Variants in LCN10 observed in about 807,000 individuals in gnomAD.
LCN10 encodes the protein lipocalin 10, also known as epididymal-specific lipocalin-10.
Under a neutral mutation model 25.1 loss-of-function variants are expected in LCN10, and 18 were observed. The ratio of observed to expected loss-of-function variants is 0.72; its 90% confidence interval spans 0.50 to 1.06. The LOEUF (loss-of-function observed/expected upper bound fraction) is 1.06. Ranked by LOEUF, LCN10 falls within the 50% of genes least tolerant of loss-of-function variation. LCN10 has a pLI of 0.00. For missense variants in LCN10, 257 were observed against 258.9 expected (o/e 0.99, Z 0.05); for synonymous variants, 130 against 116.7 (o/e 1.11, Z -0.73).
In LCN10 at chr9:136,738,452, G is replaced by A. The variant is rs1269508659; in HGVS notation, c.*1073C>T. On this transcript the variant is annotated 3_prime_UTR_variant, in exon 6 of 6. Transcript: ENST00000497771. ...CAGAACCAATCTCTGATCTCTTCTCGGGCCAGAAGGAGGGGCTGACCCCTT... is the reference window on the plus strand; with the variant it reads ...CAGAACCAATCTCTGATCTCTTCTCAGGCCAGAAGGAGGGGCTGACCCCTT... 3.3e-5 allele frequency: 5 copies of A among 152,172 alleles called. No individual in the cohort carries two copies. Among genetic ancestry groups the A allele is most frequent in the South Asian group, 4.1e-4 (2 of 4,830 alleles). 9.4% of individuals were successfully genotyped at this position (152,172 alleles called of 1,614,324 possible).
At position 136,739,379 on chromosome 9, in the gene LCN10, T is replaced by C; in HGVS notation, c.*146A>G. On this transcript the variant is annotated 3_prime_UTR_variant, in exon 6 of 6. Coordinates refer to ENST00000497771, the MANE Select transcript of LCN10 (RefSeq NM_001001712.3). The surrounding 1 kb of genome is among the most constrained non-coding windows in gnomAD (Gnocchi z 6.1). ...CTTTCTGTGATCATAAAGGATCCCTTGAGCCACTTGATTTTCACACTGTCA... is the reference window on the plus strand; with the variant it reads ...CTTTCTGTGATCATAAAGGATCCCTCGAGCCACTTGATTTTCACACTGTCA... 2.5e-6 allele frequency: 2 copies of C among 804,782 alleles called. No homozygotes were observed. Among genetic ancestry groups the C allele is most frequent in the Non-Finnish European group, 4.1e-6 (2 of 488,584 alleles). 49.9% of individuals were successfully genotyped at this position (804,782 alleles called of 1,614,324 possible).
In LCN10 at chr9:136,740,625, C is replaced by G; in HGVS notation, c.475+211G>C. ...CTGGATGGCCCACCTTTCTCTGCAG[C>G]CTCTTCCTGACGTCCCCTATCCTTG... On this transcript the variant is annotated intron_variant, in intron 4 of 5. Coordinates refer to ENST00000497771, the MANE Select transcript of LCN10 (RefSeq NM_001001712.3). This position sits in a 1 kb window ranked among gnomAD's most constrained non-coding sequence, Gnocchi z 5.3. 1.8e-6 allele frequency: 1 copy of G among 564,888 alleles called. No individual in the cohort carries two copies. The highest frequency in any genetic ancestry group is 3.1e-5 in the Admixed American group (1 of 32,432). The allele number at this position is 564,888 out of a possible 1,614,324, so 35.0% of individuals were successfully genotyped here. A position where few individuals can be genotyped will look rare whatever the true frequency, so the allele number is the denominator to read the frequency against.
At chr9:136,742,509 C>T (rs1588298485) in intron 1 of LCN10, 4 of 530,554 alleles carry the variant, frequency 7.5e-6, no homozygotes, top group East Asian at 6.3e-5. Context: ...GCACTCTGGG[C>T]GTCTCCCGAC....
In LCN10 at chr9:136,741,560, A is replaced by G. The variant is rs972191195; in HGVS notation, c.258-199T>C. On this transcript the variant is annotated intron_variant, in intron 2 of 5. Transcript: ENST00000497771. ...GGCTCTGTGGTTTGAGGATTTTCCA[A>G]TTCGGACTGGGGCCTGTCCCACGGC... The G allele has an allele frequency of 3.0e-5, 18 of 606,742 alleles. 1 individual carries two copies. In the Admixed American group the frequency reaches 3.5e-4, roughly 12 times the overall value. 37.6% of individuals were successfully genotyped at this position (606,742 alleles called of 1,614,324 possible). A position where few individuals can be genotyped will look rare whatever the true frequency, so the allele number is the denominator to read the frequency against.
Position 136,739,807 on chromosome 9 carries a change from G to A in LCN10, c.574+143C>T. 2 of 827,964 alleles carry A rather than the reference G, an allele frequency of 2.4e-6. No homozygotes were observed. The highest frequency in any genetic ancestry group is 4.0e-6 in the Non-Finnish European group (2 of 497,504). 51.3% of individuals were successfully genotyped at this position (827,964 alleles called of 1,614,324 possible). ...AAGCCCCGATTCTCAGGGGCGGCAG[G>A]AGGTGGGAGGCACGTTTGGGCGGAT... On this transcript the variant is annotated intron_variant, in intron 5 of 5. Coordinates refer to ENST00000497771, the MANE Select transcript of LCN10 (RefSeq NM_001001712.3). The surrounding 1 kb of genome is among the most constrained non-coding windows in gnomAD (Gnocchi z 6.1).
intron 2 of LCN10, 200 bp from the exon 3 acceptor site, chr9:136,741,561 T>C (rs951837449): frequency 1.8e-5 from 11 of 606,708 alleles, no homozygotes; most frequent in Non-Finnish European, 3.2e-5. Context: ...GATTTTCCAA[T>C]TCGGACTGGG....
In LCN10 at chr9:136,739,546, A is replaced by C. The variant is rs765681916; in HGVS notation, c.582T>G (p.Arg194=). 1.1e-5 allele frequency: 17 copies of C among 1,600,678 alleles called. No homozygotes were observed. Among genetic ancestry groups the C allele is most frequent in the Non-Finnish European group, 1.4e-5 (17 of 1,174,424 alleles). ...AAVILPKDAS[R]THTILP is the part of the protein sequence containing the mutation. ...GCTCTCATGGCAGGATGGTGTGTGT[A>C]CGGGACGCTGTGGGAGAGGAAAACA... is the stretch of plus-strand genomic sequence containing the variant. The change falls in exon 6 of 6, where the codon CGT becomes CGG. Residue 194 remains arginine (R), a synonymous_variant. Transcript: ENST00000497771. This position sits in a 1 kb window ranked among gnomAD's most constrained non-coding sequence, Gnocchi z 6.1.
intron 1 of LCN10, chr9:136,742,230 C>T (rs1473875151): frequency 4.9e-6 from 3 of 607,114 alleles, no homozygotes. Flanking sequence ...GGTCAGGGAC[C>T]CCAGGCAGCA....
intron 2 of LCN10, chr9:136,741,582 C>T (rs1056424082): frequency 2.1e-5 from 13 of 605,434 alleles, no homozygotes; most frequent in Admixed American, 5.9e-5. Flanking sequence ...GCCTGTCCCA[C>T]GGCACGAGAG....
chr9:136,742,695 C>G, intron 1 of LCN10, 92 bp downstream of exon 1: 1 of 1,474,210 alleles, frequency 6.8e-7, no homozygotes. Context: ...GCTGGTAGCC[C>G]TGCTCCTGGG....
intron 1 of LCN10, chr9:136,742,442 G>C: frequency 2.4e-6 from 1 of 424,082 alleles, no homozygotes; most frequent in South Asian, 3.5e-5. Context: ...GGCTCACTCA[G>C]CAGGTGCCCG....
intron 2 of LCN10, 183 bp from the exon 3 acceptor site, chr9:136,741,544 G>T (rs1299182772): frequency 1.6e-6 from 1 of 612,220 alleles, no homozygotes; most frequent in Non-Finnish European, 2.9e-6. Flanking sequence ...AGGCTCTGTG[G>T]TTTGAGGATT....
At chr9:136,742,304 C>T in intron 1 of LCN10, 1 of 478,156 alleles carries the variant, frequency 2.1e-6, no homozygotes, top group South Asian at 2.7e-5. Context: ...CGGCTCCTTC[C>T]CACATGGCCT....
At position 136,740,112 on chromosome 9, in the gene LCN10, G is replaced by A; in HGVS notation, c.476-64C>T. On this transcript the variant is annotated intron_variant, in intron 4 of 5. Transcript: ENST00000497771. The surrounding 1 kb of genome is among the most constrained non-coding windows in gnomAD (Gnocchi z 5.3). ...CTGGCCATTTTAGGGTCTGCACCCT[G>A]ACCCCCATCCCTACCCCAGGAGCTG... 1 of 1,082,514 alleles carries A rather than the reference G, an allele frequency of 9.2e-7. No individual in the cohort carries two copies. Among genetic ancestry groups the A allele is most frequent in the Non-Finnish European group, 1.4e-6 (1 of 719,248 alleles). The allele number at this position is 1,082,514 out of a possible 1,614,324, so 67.1% of individuals were successfully genotyped here.
In LCN10 at chr9:136,739,841, T is replaced by C. The variant is rs1246896722; in HGVS notation, c.574+109A>G. ...GGCACGTTTGGGCGGATCTTTCAAA[T>C]GGCACCTTTCAAATGGATCCTTTCA... On this transcript the variant is annotated intron_variant, in intron 5 of 5. Coordinates refer to ENST00000497771, the MANE Select transcript of LCN10 (RefSeq NM_001001712.3). This position sits in a 1 kb window ranked among gnomAD's most constrained non-coding sequence, Gnocchi z 6.1. The C allele has an allele frequency of 1.2e-5, 12 of 988,538 alleles. No homozygotes were observed. The highest frequency in any genetic ancestry group is 2.0e-4 in the Middle Eastern group (1 of 4,928). The allele number at this position is 988,538 out of a possible 1,614,324, so 61.2% of individuals were successfully genotyped here.
At chr9:136,741,645 C>T in intron 2 of LCN10, 1 of 637,180 alleles carries the variant, frequency 1.6e-6, no homozygotes, top group Admixed American at 3.0e-5. Context: ...CGGCTTCCTC[C>T]CAACACCTAC....
rs1218043355 is a variant in LCN10 at position 136,739,655 on chromosome 9, C to T, written c.575-102G>A. On this transcript the variant is annotated intron_variant, in intron 5 of 5. Transcript: ENST00000497771. This position sits in a 1 kb window ranked among gnomAD's most constrained non-coding sequence, Gnocchi z 6.1. ...GCCGCTCCCTGGTTCCATGCGTGCT[C>T]GTCTTGGGCACCACGAGAACACAGC... 9.8e-6 allele frequency: 11 copies of T among 1,124,256 alleles called. No individual in the cohort carries two copies. The Admixed American group carries it at 1.6e-4, about 16-fold the overall frequency. The allele number at this position is 1,124,256 out of a possible 1,614,324, so 69.6% of individuals were successfully genotyped here. A position where few individuals can be genotyped will look rare whatever the true frequency, so the allele number is the denominator to read the frequency against.
chr9:136,739,967 AC>A lies in LCN10; in HGVS notation c.556del (p.Val186SerfsTer52). On this transcript the variant is annotated frameshift_variant, in exon 5 of 6. Transcript: ENST00000497771. LOFTEE classifies it high-confidence loss of function. The surrounding 1 kb of genome is among the most constrained non-coding windows in gnomAD (Gnocchi z 6.1). ...CAGCTTACCGTCTTTCGGGAGGATGACGGCGGCCTTGGAGAGCCCCAGAATG... is the reference window on the plus strand; with the variant it reads ...CAGCTTACCGTCTTTCGGGAGGATGAGGCGGCCTTGGAGAGCCCCAGAATG... ...CDILGLSKAA[V>X]ILPKDASRTH... 6.3e-7 allele frequency: 1 copy of A among 1,590,508 alleles called. No individual in the cohort carries two copies. The highest frequency in any genetic ancestry group is 8.6e-7 in the Non-Finnish European group (1 of 1,168,332).
rs1453049693 is a variant in LCN10, at chr9:136,738,474, C to G, written c.*1051G>C. The stretch of plus-strand genomic sequence containing the variant: ...CTCGGGCCAGAAGGAGGGGCTGACC[C>G]CTTACCCCGTCATGGCTGAGGACTC... On this transcript the variant is annotated 3_prime_UTR_variant, in exon 6 of 6. Coordinates refer to ENST00000497771, the MANE Select transcript of LCN10 (RefSeq NM_001001712.3). 1 of 152,232 alleles carries G rather than the reference C, an allele frequency of 6.6e-6. No individual in the cohort carries two copies. Among genetic ancestry groups the G allele is most frequent in the African/African-American group, 2.4e-5 (1 of 41,436 alleles). The allele number at this position is 152,232 out of a possible 1,614,324, so 9.4% of individuals were successfully genotyped here.
Sources: gnomAD v4.1 joint callset for allele counts on GRCh38, gnomAD v4.1.1 for gene constraint, Gnocchi (gnomAD v3.1) non-coding constraint, MANE v1.5 for transcripts, NCBI Gene and HGNC (gene_info 2026-07-23, HGNC 2026-07-21) for gene names.